The following ADAMTSL3 variants were observed in gnomAD, a reference collection of about 807,000 sequenced individuals.
ADAMTSL3 encodes the protein ADAMTS-like protein 3.
In ADAMTSL3, 128 loss-of-function variants were observed where a neutral mutation model predicts 201.7. That is an observed-to-expected ratio of 0.63 (90% CI 0.55 to 0.73). The LOEUF (loss-of-function observed/expected upper bound fraction) is 0.73. Ranked by LOEUF, ADAMTSL3 falls within the 30% of genes least tolerant of loss-of-function variation. ADAMTSL3 has a pLI of 0.00. For missense variants in ADAMTSL3, 1,990 were observed against 2,119.6 expected, an observed-to-expected ratio of 0.94 and a Z score of 1.20; for synonymous variants, 738 against 748.4, an observed-to-expected ratio of 0.99 and a Z score of 0.23.
intron 3 of ADAMTSL3, among the ~76,000 whole-genome samples, chr15:83,706,011 G>T (rs553030051): frequency 1.3e-5 from 2 of 152,302 alleles, no homozygotes; most frequent in Non-Finnish European, 2.9e-5. Context: ...TTTGGGCCTG[G>T]TTGCTAATAG....
chr15:83,694,813 A>G (rs978884758), intron 2 of ADAMTSL3, among the ~76,000 whole-genome samples: 2 of 152,226 alleles, frequency 1.3e-5, no homozygotes, highest in African/African-American at 4.8e-5. Context: ...GCTTTCCTAC[A>G]AAAGATGTTA....
intron 3 of ADAMTSL3, among the ~76,000 whole-genome samples, chr15:83,727,361 T>G (rs2062195175): frequency 1.3e-5 from 2 of 151,948 alleles, no homozygotes; most frequent in African/African-American, 4.8e-5. Flanking sequence ...TGATTTTTTT[T>G]GTATTTTTTG....
intron 28 of ADAMTSL3, among the ~76,000 whole-genome samples, chr15:84,033,319 T>C (rs970872412): frequency 1.3e-5 from 2 of 152,172 alleles, no homozygotes; most frequent in Non-Finnish European, 2.9e-5. Flanking sequence ...TTAGAGGTTT[T>C]ACTTGCTCTT....
At chr15:83,945,702 G>C (rs2066642435) in intron 19 of ADAMTSL3, 1 of 152,170 alleles carries the variant, frequency 6.6e-6, no homozygotes, top group Admixed American at 6.5e-5. Context: ...GAGAATCTTG[G>C]CATTGTGATG....
intron 3 of ADAMTSL3, among the ~76,000 whole-genome samples, chr15:83,752,919 A>G (rs1367642430): frequency 1.3e-5 from 2 of 152,198 alleles, no homozygotes; most frequent in African/African-American, 2.4e-5. Flanking sequence ...ATTCAGCTCA[A>G]TTGACACCTT....
At chr15:83,672,984 G>A (rs1220132382) in intron 2 of ADAMTSL3, among the ~76,000 whole-genome samples, 1 of 152,214 alleles carries the variant, frequency 6.6e-6, no homozygotes, top group Non-Finnish European at 1.5e-5. Context: ...AGCTCCAGAG[G>A]TGGAGCACTT....
At chr15:83,859,063 C>T (rs1375711184) in intron 8 of ADAMTSL3, among the ~76,000 whole-genome samples, 5 of 152,180 alleles carry the variant, frequency 3.3e-5, no homozygotes, top group South Asian at 4.1e-4. Flanking sequence ...TTGCAGAGCA[C>T]CAAGCAAGGA....
intron 3 of ADAMTSL3, among the ~76,000 whole-genome samples, chr15:83,732,736 T>G (rs192704849): frequency 3.3e-5 from 5 of 152,320 alleles, no homozygotes; most frequent in African/African-American, 1.2e-4. Context: ...TTGCCTCATT[T>G]GTGCTAGATT....
intron 23 of ADAMTSL3, among the ~76,000 whole-genome samples, chr15:83,997,238 A>G (rs528742579): frequency 6.6e-6 from 1 of 152,200 alleles, no homozygotes; most frequent in Non-Finnish European, 1.5e-5. Context: ...GAGACAAAAG[A>G]AGAAAAGTTT....
chr15:83,733,849 T>C (rs1046278837), intron 3 of ADAMTSL3, among the ~76,000 whole-genome samples: 3 of 152,146 alleles, frequency 2.0e-5, no homozygotes, highest in African/African-American at 7.2e-5. Context: ...ACTTAGATAA[T>C]TTATTTGGCG....
At chr15:83,714,854 C>G (rs1238660170) in intron 3 of ADAMTSL3, among the ~76,000 whole-genome samples, 2 of 39,218 alleles carry the variant, frequency 5.1e-5, no homozygotes, top group African/African-American at 2.7e-4. Flanking sequence ...CTCTCTTTCC[C>G]TCCCTCCCTC....
At chr15:84,010,366 C>G (rs1042106685) in intron 23 of ADAMTSL3, among the ~76,000 whole-genome samples, 2 of 152,158 alleles carry the variant, frequency 1.3e-5, no homozygotes, top group East Asian at 3.9e-4. Context: ...ACTATACAGT[C>G]AGTGCTTTAT....
intron 25 of ADAMTSL3, among the ~76,000 whole-genome samples, chr15:84,017,933 G>C (rs761197623): frequency 1.3e-5 from 2 of 152,164 alleles, no homozygotes; most frequent in Non-Finnish European, 2.9e-5. Context: ...GTAGCACTGA[G>C]GAAGGGGCCC....
chr15:84,006,756 G>C (rs1453699336), intron 23 of ADAMTSL3, among the ~76,000 whole-genome samples: 1 of 152,202 alleles, frequency 6.6e-6, no homozygotes, highest in African/African-American at 2.4e-5. Flanking sequence ...ACACCATAAA[G>C]AGCAGTGGTG....
intron 6 of ADAMTSL3, 23 bp from the exon 7 acceptor site, chr15:83,838,066 G>A: frequency 6.2e-7 from 1 of 1,603,888 alleles, no homozygotes; most frequent in South Asian, 1.1e-5. Context: ...GGGCACCACT[G>A]ACTGCCATGC....
At chr15:83,688,755 T>TACACACAC (rs34509050) in intron 2 of ADAMTSL3, among the ~76,000 whole-genome samples, 3 of 148,976 alleles carry the variant, frequency 2.0e-5, no homozygotes, top group Non-Finnish European at 4.5e-5. Context: ...TGCATATATA[T>TACACACAC]ACACACACAC....
intron 23 of ADAMTSL3, among the ~76,000 whole-genome samples, chr15:83,997,886 T>C (rs2067716594): frequency 6.6e-6 from 1 of 152,164 alleles, no homozygotes; most frequent in African/African-American, 2.4e-5. Context: ...AAATTCTATC[T>C]TGGACCATTG....
chr15:83,810,811 T>C (rs1188875487), intron 5 of ADAMTSL3, among the ~76,000 whole-genome samples: 1 of 152,182 alleles, frequency 6.6e-6, no homozygotes, highest in Non-Finnish European at 1.5e-5. Context: ...CGATCTCAGC[T>C]CACTGAAACC....
At chr15:83,856,283 C>A (rs2064730954) in intron 7 of ADAMTSL3, among the ~76,000 whole-genome samples, 1 of 150,778 alleles carries the variant, frequency 6.6e-6, no homozygotes, top group African/African-American at 2.4e-5. Context: ...TCCTCCCACC[C>A]CAGACTCCCA....
Sources: gnomAD v4.1 joint callset for allele counts (sites outside exome capture counted in the v4.1 genomes callset) on GRCh38, gnomAD v4.1.1 for gene constraint, MANE v1.5 for transcripts, NCBI Gene and HGNC (gene_info 2026-07-23, HGNC 2026-07-21) for gene names.